Variants in TRPM3 observed in about 807,000 individuals in gnomAD.
TRPM3 encodes the protein transient receptor potential cation channel subfamily M member 3.
TRPM3 carries 77 observed loss-of-function variants against 181.2 expected under a neutral mutation model. The observed-to-expected ratio is 0.42, with a 90% CI of 0.35 to 0.51. The LOEUF (loss-of-function observed/expected upper bound fraction) is 0.51. Ranked by LOEUF, TRPM3 falls within the 20% of genes least tolerant of loss-of-function variation. TRPM3 has a pLI of 0.01. For synonymous variants in TRPM3, 745 were observed against 796.4 expected (o/e 0.94, Z 1.09); for missense variants, 1,759 against 2,196.7 (o/e 0.80, Z 3.98).
chr9:70,578,234 T>C lies in TRPM3; in HGVS notation c.3223+12797A>G, dbSNP rs543313518. On this transcript the variant is annotated intron_variant, in intron 22 of 25. Coordinates refer to ENST00000677713, the MANE Select transcript of TRPM3 (RefSeq NM_001366145.2). ...CTGGATTGATTGAACTGAACTATTT[T>C]GCCAGGATGTCTGAGATCACTCAGA... 2.0e-5 allele frequency among the ~76,000 whole-genome samples: 3 copies of C among 151,656 alleles called. No homozygotes were observed. The South Asian group carries it at 6.3e-4, about 32-fold the overall frequency.
chr9:71,160,391 ATC>A (rs946296238), intron 1 of TRPM3, among the ~76,000 whole-genome samples: 19 of 152,094 alleles, frequency 1.2e-4, no homozygotes, highest in African/African-American at 3.6e-4. Flanking sequence ...TTTATCATTT[ATC>A]TCTCTCTACT....
intron 1 of TRPM3, among the ~76,000 whole-genome samples, chr9:71,059,708 G>T (rs1287083704): frequency 6.6e-6 from 1 of 152,026 alleles, no homozygotes; most frequent in Admixed American, 6.6e-5. Flanking sequence ...AAGAAATTCT[G>T]CCCCAGGACT....
intron 1 of TRPM3, among the ~76,000 whole-genome samples, chr9:71,242,047 C>T (rs2081730659): frequency 6.6e-6 from 1 of 152,198 alleles, no homozygotes; most frequent in African/African-American, 2.4e-5. Context: ...AACACATTTG[C>T]ATAAGTGTTA....
chr9:70,607,336 T>G (rs2061342112), intron 19 of TRPM3, among the ~76,000 whole-genome samples: 1 of 152,214 alleles, frequency 6.6e-6, no homozygotes, highest in Non-Finnish European at 1.5e-5. Flanking sequence ...ATTGTACTGT[T>G]AAGCATGTCT....
intron 1 of TRPM3, among the ~76,000 whole-genome samples, chr9:71,328,096 A>C (rs1385472927): frequency 6.6e-6 from 1 of 151,340 alleles, no homozygotes. Context: ...AAAAAACCCC[A>C]AGTGACAAGA....
At chr9:70,953,786 C>T (rs559025220) in intron 1 of TRPM3, among the ~76,000 whole-genome samples, 3 of 152,202 alleles carry the variant, frequency 2.0e-5, no homozygotes, top group South Asian at 2.1e-4. Flanking sequence ...CAAGGTAGGC[C>T]GGAAAGACCA....
rs371313289 is a variant in TRPM3, at chr9:70,619,044, G to A, written c.2181C>T (p.Asp727=). ...TCAGCAGTTTCATGGCCAGCTGTTC[G>A]TCCTGCTTGTAGGACTGGTCCAGGA... ...VELLDQSYKQ[D]EQLAMKLLTY... The change falls in exon 17 of 26, where the codon GAC becomes GAT. Residue 727 remains aspartate, a synonymous_variant. Transcript: ENST00000677713. 4.2e-5 allele frequency: 68 copies of A among 1,614,072 alleles called. No homozygotes were observed. Among genetic ancestry groups the A allele is most frequent in the Admixed American group, 1.8e-4 (11 of 60,002 alleles).
intron 7 of TRPM3, among the ~76,000 whole-genome samples, chr9:70,771,639 T>C (rs1233275488): frequency 6.6e-6 from 1 of 152,152 alleles, no homozygotes; most frequent in Non-Finnish European, 1.5e-5. Flanking sequence ...ACAAGCTTTG[T>C]GCTGTGCATT....
intron 1 of TRPM3, among the ~76,000 whole-genome samples, chr9:70,970,719 C>G (rs529762320): frequency 6.6e-6 from 1 of 152,116 alleles, no homozygotes; most frequent in Non-Finnish European, 1.5e-5. Flanking sequence ...TGCTTCTAAG[C>G]AGGGAAGCTT....
At chr9:71,105,441 A>G (rs1394170669) in intron 1 of TRPM3, among the ~76,000 whole-genome samples, 1 of 152,184 alleles carries the variant, frequency 6.6e-6, no homozygotes, top group African/African-American at 2.4e-5. Context: ...CGGGAGCTAC[A>G]GGACAGCTTA....
At chr9:71,248,895 A>T (rs1388243594) in intron 1 of TRPM3, among the ~76,000 whole-genome samples, 2 of 152,234 alleles carry the variant, frequency 1.3e-5, no homozygotes, top group African/African-American at 4.8e-5. Context: ...CAAGCCACTT[A>T]AAGATATACA....
chr9:70,610,325 C>T (rs767614464), intron 19 of TRPM3, among the ~76,000 whole-genome samples: 1 of 152,188 alleles, frequency 6.6e-6, no homozygotes, highest in African/African-American at 2.4e-5. Context: ...AAAAGAACAT[C>T]TACTTTCCTG....
chr9:71,246,627 C>T (rs1040498946), intron 1 of TRPM3, among the ~76,000 whole-genome samples: 2 of 152,174 alleles, frequency 1.3e-5, no homozygotes, highest in Non-Finnish European at 2.9e-5. Flanking sequence ...ACAAATAACT[C>T]GTTTCACAAA....
chr9:70,619,406 CTTTTTTTTTTTTTTTTT>C (rs1170887633), intron 16 of TRPM3, among the ~76,000 whole-genome samples: 1 of 81,418 alleles, frequency 1.2e-5, no homozygotes, highest in African/African-American at 4.8e-5. Context: ...TCGTCGTCTT[CTTTTTTTTTTTTTTTTT>C]TTTTTTTTGA....
intron 1 of TRPM3, among the ~76,000 whole-genome samples, chr9:70,994,537 C>T (rs952495515): frequency 2.0e-5 from 3 of 151,814 alleles, no homozygotes; most frequent in African/African-American, 7.3e-5. Flanking sequence ...GGAAGTTAAC[C>T]TATGTGGTTT....
intron 1 of TRPM3, among the ~76,000 whole-genome samples, chr9:70,914,287 C>G (rs1237716164): frequency 6.6e-6 from 1 of 152,188 alleles, no homozygotes; most frequent in Admixed American, 6.5e-5. Flanking sequence ...ATTTTGGAAG[C>G]AGAGATTCCT....
At chr9:71,262,832 C>T (rs1043189255) in intron 1 of TRPM3, among the ~76,000 whole-genome samples, 4 of 152,128 alleles carry the variant, frequency 2.6e-5, no homozygotes, top group Non-Finnish European at 5.9e-5. Context: ...TCAGCTCACT[C>T]TCTGTGGGCT....
chr9:70,667,004 G>A (rs1299433186), intron 9 of TRPM3, among the ~76,000 whole-genome samples: 1 of 150,836 alleles, frequency 6.6e-6, no homozygotes, highest in Non-Finnish European at 1.5e-5. Context: ...TTTTTTAATG[G>A]TTAAAACATT....
At chr9:71,254,336 T>G (rs984507954) in intron 1 of TRPM3, among the ~76,000 whole-genome samples, 4 of 152,202 alleles carry the variant, frequency 2.6e-5, no homozygotes, top group Non-Finnish European at 5.9e-5. Context: ...GAACAGTTGT[T>G]ACTAGAGGCT....
Sources: gnomAD v4.1 joint callset for allele counts (sites outside exome capture counted in the v4.1 genomes callset) on GRCh38, gnomAD v4.1.1 for gene constraint, MANE v1.5 for transcripts, NCBI Gene and HGNC (gene_info 2026-07-23, HGNC 2026-07-21) for gene names.